CAMTA1: variants seen among roughly 807,000 people sequenced by gnomAD.
CAMTA1 encodes the protein calmodulin-binding transcription activator 1.
A neutral mutation model predicts 170.9 loss-of-function variants in CAMTA1; 27 were observed. The observed-to-expected ratio is 0.16, with a 90% CI of 0.12 to 0.22. The LOEUF is 0.22. Among genes scored for constraint, CAMTA1 ranks in the 10% least tolerant of loss-of-function variants. CAMTA1 has a pLI of 1.00. For missense variants in CAMTA1, 1,619 were observed against 2,217.2 expected, an observed-to-expected ratio of 0.73 and a Z score of 5.42; for synonymous variants, 833 against 891.5, an observed-to-expected ratio of 0.93 and a Z score of 1.17.
intron 11 of CAMTA1, chr1:7,694,566 CTCTG>C (rs1307780882): frequency 1.6e-4 from 24 of 153,056 alleles, no homozygotes; most frequent in African/African-American, 5.8e-4. Flanking sequence ...TGCCTCCTGT[CTCTG>C]TCCTGCAGAC....
intron 6 of CAMTA1, among the ~76,000 whole-genome samples, chr1:7,506,673 ACATCT>A (rs539982456): frequency 4.9e-4 from 74 of 150,990 alleles, no homozygotes; most frequent in African/African-American, 1.7e-3. Context: ...ATTCACTCTA[ACATCT>A]CATGCTCACA....
chr1:6,859,430 A>T (rs1001877512), intron 3 of CAMTA1, among the ~76,000 whole-genome samples: 6 of 152,198 alleles, frequency 3.9e-5, no homozygotes, highest in Non-Finnish European at 8.8e-5. Flanking sequence ...TGCACTTAAC[A>T]TCTCCAGTTA....
chr1:6,871,422 A>G (rs1211694062), intron 3 of CAMTA1, among the ~76,000 whole-genome samples: 2 of 152,228 alleles, frequency 1.3e-5, no homozygotes, highest in Non-Finnish European at 2.9e-5. Flanking sequence ...AGGAGAGGAA[A>G]AACTCACCAT....
intron 3 of CAMTA1, among the ~76,000 whole-genome samples, chr1:6,879,971 C>T (rs1240827060): frequency 6.6e-6 from 1 of 151,978 alleles, no homozygotes; most frequent in Non-Finnish European, 1.5e-5. Context: ...TTACTCAGAA[C>T]GGCATTATGC....
intron 1 of CAMTA1, among the ~76,000 whole-genome samples, chr1:6,808,517 C>T (rs1461675529): frequency 1.3e-5 from 2 of 152,156 alleles, no homozygotes; most frequent in African/African-American, 2.4e-5. Context: ...ATGAAACTTC[C>T]AATAGGAGAA....
intron 1 of CAMTA1, among the ~76,000 whole-genome samples, chr1:6,808,966 A>G (rs1035774424): frequency 6.6e-6 from 1 of 151,996 alleles, no homozygotes; most frequent in Non-Finnish European, 1.5e-5. Context: ...TAGGGAAGAC[A>G]AGGCAGGTAT....
At chr1:7,267,416 AG>A (rs758051272) in intron 5 of CAMTA1, among the ~76,000 whole-genome samples, 2 of 152,076 alleles carry the variant, frequency 1.3e-5, no homozygotes, top group Non-Finnish European at 2.9e-5. Flanking sequence ...GCATTGGTAA[AG>A]TTTTAGGAGC....
chr1:7,322,762 T>A (rs1678627616), intron 5 of CAMTA1, among the ~76,000 whole-genome samples: 1 of 152,274 alleles, frequency 6.6e-6, no homozygotes, highest in East Asian at 1.9e-4. Context: ...TTGTTACTAA[T>A]ATTGTTTAAT....
chr1:6,883,786 A>C (rs528442514), intron 3 of CAMTA1, among the ~76,000 whole-genome samples: 22 of 152,266 alleles, frequency 1.4e-4, no homozygotes, highest in African/African-American at 5.1e-4. Context: ...TAGCAGTGTC[A>C]GTGAGTCACG....
chr1:7,450,493 C>T (rs982785529), intron 5 of CAMTA1, among the ~76,000 whole-genome samples: 2 of 152,228 alleles, frequency 1.3e-5, no homozygotes, highest in African/African-American at 2.4e-5. Flanking sequence ...GCCTCTGCAG[C>T]TTTCACACCT....
At chr1:7,260,706 T>C (rs550067974) in intron 5 of CAMTA1, among the ~76,000 whole-genome samples, 7 of 152,348 alleles carry the variant, frequency 4.6e-5, no homozygotes, top group Admixed American at 1.3e-4. Context: ...AGCCTGTATG[T>C]TGCTGGATGC....
intron 5 of CAMTA1, among the ~76,000 whole-genome samples, chr1:7,432,909 G>A (rs1246533004): frequency 6.6e-6 from 1 of 152,182 alleles, no homozygotes; most frequent in Non-Finnish European, 1.5e-5. Context: ...TGCAGCCAGG[G>A]CCCAGCCAGC....
intron 3 of CAMTA1, among the ~76,000 whole-genome samples, chr1:6,991,962 A>G (rs1458854645): frequency 2.6e-5 from 4 of 152,174 alleles, no homozygotes; most frequent in African/African-American, 7.2e-5. Flanking sequence ...TCGGCCTCCC[A>G]AAGTGCTGGG....
chr1:7,210,768 G>A (rs1007863735), intron 4 of CAMTA1, among the ~76,000 whole-genome samples: 2 of 152,040 alleles, frequency 1.3e-5, no homozygotes, highest in African/African-American at 2.4e-5. Context: ...TCATTGATTC[G>A]TTTATACCCA....
intron 6 of CAMTA1, among the ~76,000 whole-genome samples, chr1:7,540,328 A>G (rs2094595337): frequency 1.3e-5 from 2 of 152,228 alleles, no homozygotes; most frequent in Non-Finnish European, 2.9e-5. Context: ...GAGTACGGGC[A>G]GGGTTTAGTC....
At position 7,547,348 on chromosome 1, in the gene CAMTA1, G is replaced by GCACA. The variant is rs3222190; in HGVS notation, c.510+79486_510+79489dup. ...GAGCTGGGGAATATATGTATCATAT[G>GCACA]CACACACACACACACACACACACAC... On this transcript the variant is annotated intron_variant, in intron 6 of 22. Transcript: ENST00000303635. This position sits in a 1 kb window ranked among gnomAD's most constrained non-coding sequence, Gnocchi z 5.7. Among the ~76,000 whole-genome samples the GCACA allele has an allele frequency of 0.054, 7,808 of 143,994 alleles. 598 individuals carry two copies. Among genetic ancestry groups the GCACA allele is most frequent in the African/African-American group, 0.18 (6,852 of 38,212 alleles). 94.5% of individuals were successfully genotyped at this position (143,994 alleles called of 152,430 possible). A position where few individuals can be genotyped will look rare whatever the true frequency, so the allele number is the denominator to read the frequency against.
At chr1:7,480,269 G>C (rs994874897) in intron 6 of CAMTA1, among the ~76,000 whole-genome samples, 5 of 151,720 alleles carry the variant, frequency 3.3e-5, no homozygotes, top group African/African-American at 1.2e-4. Context: ...GTATGTGTGT[G>C]AGTGCATCTG....
intron 4 of CAMTA1, among the ~76,000 whole-genome samples, chr1:7,213,841 G>C (rs1255331458): frequency 6.6e-6 from 1 of 151,446 alleles, no homozygotes; most frequent in Non-Finnish European, 1.5e-5. Flanking sequence ...TCCCACCTAT[G>C]AGTGAGAACA....
intron 3 of CAMTA1, among the ~76,000 whole-genome samples, chr1:6,936,074 C>G (rs976191111): frequency 1.3e-5 from 2 of 152,170 alleles, no homozygotes; most frequent in Non-Finnish European, 2.9e-5. Context: ...CCGTTAAAAC[C>G]TTCTGGAAAA....
Sources: gnomAD v4.1 joint callset for allele counts (sites outside exome capture counted in the v4.1 genomes callset) on GRCh38, gnomAD v4.1.1 for gene constraint, Gnocchi (gnomAD v3.1) non-coding constraint, MANE v1.5 for transcripts, NCBI Gene and HGNC (gene_info 2026-07-23, HGNC 2026-07-21) for gene names.